Variants in ADCY2 observed in about 807,000 individuals in gnomAD.
ADCY2 encodes the protein adenylate cyclase type 2.
ADCY2 carries 31 observed loss-of-function variants against 125.2 expected under a neutral mutation model. The observed-to-expected ratio is 0.25, with a 90% CI of 0.19 to 0.33. The LOEUF (loss-of-function observed/expected upper bound fraction) is 0.33, where lower values mean the gene tolerates loss of function less well. Ranked by LOEUF, ADCY2 falls within the 10% of genes least tolerant of loss-of-function variation. The pLI is 1.00. For missense variants in ADCY2, 904 were observed against 1,418.2 expected, an observed-to-expected ratio of 0.64 and a Z score of 5.82; for synonymous variants, 512 against 548.4, an observed-to-expected ratio of 0.93 and a Z score of 0.93.
chr5:7,453,577 G>A (rs1306196600), intron 2 of ADCY2, among the ~76,000 whole-genome samples: 1 of 152,176 alleles, frequency 6.6e-6, no homozygotes, highest in Non-Finnish European at 1.5e-5. Context: ...TAGAGCAGGA[G>A]TGAAATTGAT....
At chr5:7,527,639 A>AGG (rs1218013121) in intron 3 of ADCY2, among the ~76,000 whole-genome samples, 2 of 152,218 alleles carry the variant, frequency 1.3e-5, no homozygotes, top group Non-Finnish European at 2.9e-5. Flanking sequence ...GATTACTTAT[A>AGG]TGTTAGATAA....
chr5:7,546,422 C>G (rs1735149247), intron 3 of ADCY2, among the ~76,000 whole-genome samples: 1 of 152,166 alleles, frequency 6.6e-6, no homozygotes, highest in Non-Finnish European at 1.5e-5. Context: ...TCCCTACCTC[C>G]TTTTTTCTGG....
At position 7,396,486 on chromosome 5, in the gene ADCY2, G is replaced by A. The variant is rs1457078080; in HGVS notation, c.190G>A (p.Val64Ile). 6.4e-7 allele frequency: 1 copy of A among 1,566,722 alleles called. No individual in the cohort carries two copies. The highest frequency in any genetic ancestry group is 1.8e-5 in the Admixed American group (1 of 55,376). ...VMGSCLALLA[V>I]FFALGLEVED... ...GGGCTCCTGCCTCGCCCTGCTCGCC[G>A]TCTTCTTCGCGCTCGGGCTGGTGAG... Residue 64 changes from valine to isoleucine, a missense_variant, in exon 1 of 25, where the codon GTC (valine) becomes ATC (isoleucine). Physicochemically the swap from Val to Ile is conservative, Grantham distance 29. This residue lies in a region of ADCY2 where 113 missense variants were observed against 108.0 expected (regional missense o/e 1.05). Coordinates refer to ENST00000338316, the MANE Select transcript of ADCY2 (RefSeq NM_020546.3). This position sits in a 1 kb window ranked among gnomAD's most constrained non-coding sequence, Gnocchi z 5.7.
intron 4 of ADCY2, among the ~76,000 whole-genome samples, chr5:7,664,481 C>CT (rs1275397836): frequency 2.0e-5 from 3 of 152,300 alleles, no homozygotes; most frequent in Middle Eastern, 3.4e-3. Context: ...GAACTAAGCT[C>CT]TGACTTTTTA....
At chr5:7,761,346 C>T (rs1743204453) in intron 16 of ADCY2, among the ~76,000 whole-genome samples, 2 of 151,948 alleles carry the variant, frequency 1.3e-5, no homozygotes, top group African/African-American at 2.4e-5. Flanking sequence ...GATGCGGTTT[C>T]ACCATGCTGG....
At position 7,601,888 on chromosome 5, in the gene ADCY2, C is replaced by T. The variant is rs149859298; in HGVS notation, c.571-24279C>T. On this transcript the variant is annotated intron_variant, in intron 3 of 24. Transcript: ENST00000338316. ...TTGGTGACTTACAACGTGACATTTGCTCTGTCATAGTTCCAAAACCCAGAA... is the reference window on the plus strand; with the variant it reads ...TTGGTGACTTACAACGTGACATTTGTTCTGTCATAGTTCCAAAACCCAGAA... 3.1e-3 allele frequency among the ~76,000 whole-genome samples: 466 copies of T among 152,280 alleles called. 1 individual carries two copies. The highest frequency in any genetic ancestry group is 5.6e-3 in the Admixed American group (86 of 15,302).
At chr5:7,611,044 G>A (rs2126643792) in intron 3 of ADCY2, 1 of 152,242 alleles carries the variant, frequency 6.6e-6, no homozygotes. Context: ...CTTGTAGCAA[G>A]CACAGAATTT....
chr5:7,523,142 A>C lies in ADCY2; in HGVS notation c.570+2243A>C, dbSNP rs78786761. ...CTGGTGCAGATGTAATAGGACAAAA[A>C]ATATTTCAGAAGAAGAGGTTTTAAT... On this transcript the variant is annotated intron_variant, in intron 3 of 24. Transcript: ENST00000338316. Among the ~76,000 whole-genome samples, 1,361 of 152,252 alleles carry C rather than the reference A, an allele frequency of 8.9e-3. 22 individuals are homozygous for C. Among genetic ancestry groups the C allele is most frequent in the African/African-American group, 0.031 (1,269 of 41,530 alleles).
chr5:7,795,898 GTA>G (rs1744405130), intron 20 of ADCY2: 1 of 152,088 alleles, frequency 6.6e-6, no homozygotes, highest in African/African-American at 2.4e-5. Flanking sequence ...TTAAAATACT[GTA>G]TTGCAAAAAA....
At chr5:7,459,110 A>C (rs1194859937) in intron 2 of ADCY2, among the ~76,000 whole-genome samples, 3 of 152,120 alleles carry the variant, frequency 2.0e-5, no homozygotes, top group Non-Finnish European at 4.4e-5. Context: ...GGATCTTCTG[A>C]CATACTTCTG....
chr5:7,521,257 C>T (rs971215708), intron 3 of ADCY2, among the ~76,000 whole-genome samples: 1 of 152,134 alleles, frequency 6.6e-6, no homozygotes, highest in Admixed American at 6.5e-5. Context: ...CGATTAATTT[C>T]ATAGTTTGTT....
chr5:7,441,954 C>T (rs1393675157), intron 2 of ADCY2, among the ~76,000 whole-genome samples: 7 of 152,112 alleles, frequency 4.6e-5, no homozygotes, highest in South Asian at 2.1e-4. Context: ...ACTTGGCAAC[C>T]GCCACAATTA....
intron 2 of ADCY2, among the ~76,000 whole-genome samples, chr5:7,499,290 G>A (rs913423536): frequency 6.6e-6 from 1 of 152,144 alleles, no homozygotes; most frequent in African/African-American, 2.4e-5. Flanking sequence ...ACAGGCATGA[G>A]CCACTGTGCC....
intron 3 of ADCY2, among the ~76,000 whole-genome samples, chr5:7,619,053 C>T (rs146155393): frequency 1.5e-4 from 23 of 152,172 alleles, no homozygotes; most frequent in East Asian, 3.9e-4. Context: ...TTCTGAAATA[C>T]GCAGGTCAAA....
chr5:7,434,703 A>G (rs1267735992), intron 2 of ADCY2, among the ~76,000 whole-genome samples: 2 of 152,224 alleles, frequency 1.3e-5, no homozygotes, highest in African/African-American at 4.8e-5. Flanking sequence ...TAGCCTCTGC[A>G]GGCTTTCCTC....
chr5:7,504,600 C>T (rs1040096184), intron 2 of ADCY2, among the ~76,000 whole-genome samples: 8 of 151,144 alleles, frequency 5.3e-5, no homozygotes, highest in Middle Eastern at 3.2e-3. Flanking sequence ...CTTTCTCTCT[C>T]TCTTTCTTTT....
At chr5:7,627,789 T>C (rs1010499719) in intron 4 of ADCY2, among the ~76,000 whole-genome samples, 3 of 152,228 alleles carry the variant, frequency 2.0e-5, no homozygotes, top group African/African-American at 4.8e-5. Flanking sequence ...TATTAGTTCA[T>C]TCATTCAACA....
intron 3 of ADCY2, among the ~76,000 whole-genome samples, chr5:7,531,911 G>A (rs767556174): frequency 6.6e-6 from 1 of 152,182 alleles, no homozygotes; most frequent in Non-Finnish European, 1.5e-5. Context: ...CAGTTGGACT[G>A]CACTTGTACT....
chr5:7,762,649 A>G lies in ADCY2; in HGVS notation c.2095-4038A>G, dbSNP rs530054823. On this transcript the variant is annotated intron_variant, in intron 16 of 24. Transcript: ENST00000338316. ...TGGTCCCAGGGTTGTTTCCCTTTTT[A>G]CCTAGTCCCACTTTAACCTGCCCAT... Among the ~76,000 whole-genome samples, 55 of 152,210 alleles carry G rather than the reference A, an allele frequency of 3.6e-4. 1 individual carries two copies. Among genetic ancestry groups the G allele is most frequent in the Non-Finnish European group, 6.8e-4 (46 of 68,002 alleles).
Sources: gnomAD v4.1 joint callset for allele counts (sites outside exome capture counted in the v4.1 genomes callset) on GRCh38, gnomAD v4.1.1 for gene constraint, gnomAD v4.1.1 regional missense constraint, Gnocchi (gnomAD v3.1) non-coding constraint, MANE v1.5 for transcripts, NCBI Gene and HGNC (gene_info 2026-07-23, HGNC 2026-07-21) for gene names.